Variants in EXT1 observed in about 807,000 individuals in gnomAD.
The protein encoded by EXT1 is exostosin glycosyltransferase 1.
EXT1 carries 20 observed loss-of-function variants against 82.5 expected under a neutral mutation model. The observed-to-expected ratio is 0.24, with a 90% confidence interval of 0.17 to 0.35. The LOEUF (loss-of-function observed/expected upper bound fraction) is 0.35, where lower values mean the gene tolerates loss of function less well. Ranked by LOEUF, EXT1 falls within the 10% of genes least tolerant of loss-of-function variation. The probability of loss-of-function intolerance (pLI) is 1.00; values close to 1 mark genes in which losing one functional copy is unlikely to be tolerated. For synonymous variants in EXT1, 348 were observed against 350.8 expected (o/e 0.99, Z 0.09); for missense variants, 757 against 936.5 (o/e 0.81, Z 2.50).
At chr8:118,066,360 AT>A (rs1247655684) in intron 1 of EXT1, among the ~76,000 whole-genome samples, 1 of 149,238 alleles carries the variant, frequency 6.7e-6, no homozygotes, top group African/African-American at 2.5e-5. Flanking sequence ...TTATTTATTT[AT>A]TTATTTATTT....
chr8:117,817,505 A>G (rs1393734420), intron 7 of EXT1, among the ~76,000 whole-genome samples: 2 of 152,078 alleles, frequency 1.3e-5, no homozygotes, highest in African/African-American at 2.4e-5. Flanking sequence ...CGTAAGATCT[A>G]TAAGTAACAA....
At chr8:118,096,009 T>C (rs546963792) in intron 1 of EXT1, among the ~76,000 whole-genome samples, 1 of 152,298 alleles carries the variant, frequency 6.6e-6, no homozygotes, top group Admixed American at 6.5e-5. Context: ...ATGAATTCAT[T>C]AGCAGCCTGA....
At chr8:118,057,470 G>A (rs1246358436) in intron 1 of EXT1, among the ~76,000 whole-genome samples, 1 of 152,018 alleles carries the variant, frequency 6.6e-6, no homozygotes, top group East Asian at 1.9e-4. Context: ...AACCCAGGAG[G>A]GAGGCAAAGG....
chr8:117,865,537 T>C (rs1812762317), intron 1 of EXT1, among the ~76,000 whole-genome samples: 1 of 152,214 alleles, frequency 6.6e-6, no homozygotes, highest in Non-Finnish European at 1.5e-5. Context: ...CTGAGAGATT[T>C]ATTTCCTTCA....
chr8:117,827,986 T>A (rs866826461), intron 4 of EXT1, among the ~76,000 whole-genome samples: 9 of 151,940 alleles, frequency 5.9e-5, no homozygotes, highest in Non-Finnish European at 1.3e-4. Flanking sequence ...GGGGATTAAT[T>A]TAATAATTAG....
intron 1 of EXT1, among the ~76,000 whole-genome samples, chr8:118,047,706 T>C (rs1816644424): frequency 6.6e-6 from 1 of 152,176 alleles, no homozygotes; most frequent in African/African-American, 2.4e-5. Context: ...ATACAGAGCA[T>C]ACTTAATACG....
chr8:117,888,320 A>ATATT (rs1813183706), intron 1 of EXT1, among the ~76,000 whole-genome samples: 1 of 152,050 alleles, frequency 6.6e-6, no homozygotes, highest in African/African-American at 2.4e-5. Context: ...TGATATAATA[A>ATATT]TAGATTAAAT....
intron 1 of EXT1, among the ~76,000 whole-genome samples, chr8:118,054,956 GTATA>G (rs34579101): frequency 6.7e-6 from 1 of 149,612 alleles, no homozygotes; most frequent in Admixed American, 6.7e-5. Flanking sequence ...GTATGTATAT[GTATA>G]TATATATATA....
chr8:118,034,744 G>A (rs1816388974), intron 1 of EXT1, among the ~76,000 whole-genome samples: 1 of 152,274 alleles, frequency 6.6e-6, no homozygotes, highest in Middle Eastern at 3.4e-3. Context: ...CAATTCAAAA[G>A]GGGGACGATG....
intron 1 of EXT1, among the ~76,000 whole-genome samples, chr8:117,970,059 T>G (rs1443670904): frequency 6.6e-6 from 1 of 152,194 alleles, no homozygotes; most frequent in Non-Finnish European, 1.5e-5. Flanking sequence ...ACAGTTTCCT[T>G]TTGTGTAAAA....
intron 1 of EXT1, among the ~76,000 whole-genome samples, chr8:117,961,845 T>A (rs1024872051): frequency 6.6e-6 from 1 of 152,098 alleles, no homozygotes; most frequent in Admixed American, 6.5e-5. Context: ...TCTAAACAAC[T>A]CCTTTCATGG....
chr8:117,938,984 C>T (rs942788234), intron 1 of EXT1, among the ~76,000 whole-genome samples: 1 of 152,186 alleles, frequency 6.6e-6, no homozygotes, highest in African/African-American at 2.4e-5. Flanking sequence ...CAGTCACGGC[C>T]ATTTGCCATT....
intron 9 of EXT1, among the ~76,000 whole-genome samples, chr8:117,805,838 C>T (rs1823228610): frequency 6.6e-6 from 1 of 152,130 alleles, no homozygotes; most frequent in African/African-American, 2.4e-5. Context: ...TACTCCAGTC[C>T]CCTGGCTTTA....
chr8:117,800,691 AG>A (rs1303127223), intron 10 of EXT1, among the ~76,000 whole-genome samples: 15 of 152,222 alleles, frequency 9.9e-5, no homozygotes, highest in Non-Finnish European at 1.9e-4. Flanking sequence ...TACTTTTTAA[AG>A]GGCAATCAGC....
intron 1 of EXT1, among the ~76,000 whole-genome samples, chr8:117,957,643 G>A (rs780015664): frequency 3.3e-5 from 5 of 152,178 alleles, no homozygotes; most frequent in African/African-American, 4.8e-5. Flanking sequence ...CCCCAAGTGC[G>A]TTTTTAAAAC....
At chr8:117,936,653 T>A (rs538255358) in intron 1 of EXT1, among the ~76,000 whole-genome samples, 1 of 152,286 alleles carries the variant, frequency 6.6e-6, no homozygotes, top group East Asian at 1.9e-4. Context: ...GGTGGGCAGA[T>A]CACCTGAGGG....
chr8:117,852,847 T>C (rs1774181810), intron 1 of EXT1, among the ~76,000 whole-genome samples: 1 of 152,178 alleles, frequency 6.6e-6, no homozygotes, highest in Admixed American at 6.5e-5. Flanking sequence ...CCTTTACCAT[T>C]CAGAATTATG....
At chr8:118,062,845 T>A (rs1264531507) in intron 1 of EXT1, among the ~76,000 whole-genome samples, 2 of 152,166 alleles carry the variant, frequency 1.3e-5, no homozygotes, top group African/African-American at 2.4e-5. Flanking sequence ...AAAACAAGAC[T>A]ATATAATTTA....
intron 1 of EXT1, among the ~76,000 whole-genome samples, chr8:117,935,413 C>T (rs1433975982): frequency 1.3e-5 from 2 of 151,524 alleles, no homozygotes; most frequent in Non-Finnish European, 2.9e-5. Flanking sequence ...CTCGACCTCC[C>T]AGGTTCACGG....
Sources: gnomAD v4.1 joint callset for allele counts (sites outside exome capture counted in the v4.1 genomes callset) on GRCh38, gnomAD v4.1.1 for gene constraint, MANE v1.5 for transcripts, NCBI Gene and HGNC (gene_info 2026-07-23, HGNC 2026-07-21) for gene names.